The following SLC12A7 variants were observed in gnomAD, a reference collection of about 807,000 sequenced individuals.
The protein encoded by SLC12A7 is K-Cl cotransporter 4.
Under a neutral mutation model 120.6 loss-of-function variants are expected in SLC12A7, and 100 were observed. The observed-to-expected ratio is 0.83, with a 90% CI of 0.71 to 0.98. SLC12A7 has a LOEUF of 0.98. SLC12A7 is among the 50% of genes least tolerant of loss of function. The pLI, the probability that SLC12A7 is intolerant of heterozygous loss-of-function variation, is 0.00. For missense variants in SLC12A7, 1,373 were observed against 1,548.1 expected (o/e 0.89, Z 1.90); for synonymous variants, 760 against 678.0 (o/e 1.12, Z -1.88).
the SLC12A7 span, among the ~76,000 whole-genome samples, chr5:1,155,579 C>A: frequency 1.3e-5 from 2 of 151,442 alleles, no homozygotes; most frequent in Non-Finnish European, 3.0e-5. Flanking sequence ...AGGGACCGAC[C>A]CCCGGGCTGA....
the SLC12A7 span, among the ~76,000 whole-genome samples, chr5:1,129,307 C>T: frequency 1.5e-4 from 23 of 152,164 alleles, no homozygotes; most frequent in African/African-American, 5.5e-4. Flanking sequence ...CGGAGGTGGG[C>T]AGGACGTTCA....
rs1400881930 is a variant in SLC12A7 at position 1,078,819 on chromosome 5, GGGGTGGGGT to G, written c.1397-70_1397-62del. On this transcript the variant is annotated intron_variant, in intron 10 of 23. Coordinates refer to ENST00000264930, the MANE Select transcript of SLC12A7 (RefSeq NM_006598.3). ...TGCAGGGTCCTCAGGTACGGGGGGT[GGGGTGGGGT>G]GGGGTGGGGTGGGTGGGGAGATGCA... is the stretch of plus-strand genomic sequence containing the variant. 4.8e-6 allele frequency: 3 copies of G among 628,846 alleles called. No homozygotes were observed. In the African/African-American group the frequency reaches 5.9e-5, roughly 12 times the overall value. 39.0% of individuals were successfully genotyped at this position (628,846 alleles called of 1,614,324 possible).
chr5:1,153,207 G>A, the SLC12A7 span, among the ~76,000 whole-genome samples: 1 of 152,002 alleles, frequency 6.6e-6, no homozygotes, highest in Non-Finnish European at 1.5e-5. Flanking sequence ...GAGGAGGGAC[G>A]GGCTTGCCCA....
the SLC12A7 span, among the ~76,000 whole-genome samples, chr5:1,136,425 CGT>C: frequency 7.6e-6 from 1 of 131,340 alleles, no homozygotes; most frequent in East Asian, 2.3e-4. Flanking sequence ...CGCAGGCACA[CGT>C]GTGCTCAGAC....
chr5:1,105,322 G>C (rs1328090965), intron 1 of SLC12A7, among the ~76,000 whole-genome samples: 1 of 149,114 alleles, frequency 6.7e-6, no homozygotes, highest in Non-Finnish European at 1.5e-5. Flanking sequence ...CTCCCCGCAG[G>C]GATGAGGTCC....
At chr5:1,107,699 TAAG>T (rs1742636932) in intron 1 of SLC12A7, among the ~76,000 whole-genome samples, 1 of 152,106 alleles carries the variant, frequency 6.6e-6, no homozygotes, top group Non-Finnish European at 1.5e-5. Context: ...CCACGCACTC[TAAG>T]AAGGGGATCT....
the SLC12A7 span, among the ~76,000 whole-genome samples, chr5:1,139,142 A>G: frequency 3.7e-4 from 56 of 152,064 alleles, no homozygotes; most frequent in African/African-American, 1.3e-3. Flanking sequence ...CTCCCTCCTC[A>G]TCCCCATGGG....
chr5:1,136,810 CAGACACCAACACCA>C, the SLC12A7 span, among the ~76,000 whole-genome samples: 1 of 151,284 alleles, frequency 6.6e-6, no homozygotes, highest in African/African-American at 2.4e-5. Flanking sequence ...CACACGTGCT[CAGACACCAACACCA>C]GGACACGCAG....
chr5:1,119,909 C>A, the SLC12A7 span, among the ~76,000 whole-genome samples: 1 of 152,212 alleles, frequency 6.6e-6, no homozygotes, highest in Non-Finnish European at 1.5e-5. Context: ...TGCCTCCCCG[C>A]AAAAATCCAG....
At chr5:1,053,054 ATGC>A (rs1219996220) in intron 23 of SLC12A7, among the ~76,000 whole-genome samples, 1 of 152,136 alleles carries the variant, frequency 6.6e-6, no homozygotes, top group African/African-American at 2.4e-5. Context: ...TGCTGTGGGG[ATGC>A]ATGACAGGGA....
At chr5:1,111,703 G>T (rs1425876164) in intron 1 of SLC12A7, among the ~76,000 whole-genome samples, 165 bp downstream of exon 1, 3 of 152,154 alleles carry the variant, frequency 2.0e-5, no homozygotes, top group Non-Finnish European at 4.4e-5. Flanking sequence ...TGCCACTAAC[G>T]TGGGGTGGGG....
At chr5:1,056,262 C>G (rs1229757575) in intron 22 of SLC12A7, among the ~76,000 whole-genome samples, 2 of 152,184 alleles carry the variant, frequency 1.3e-5, no homozygotes, top group African/African-American at 4.8e-5. Flanking sequence ...CTGACGGGCC[C>G]TGCGAGGCGC....
chr5:1,107,201 G>A (rs1405164519), intron 1 of SLC12A7, among the ~76,000 whole-genome samples: 1 of 152,212 alleles, frequency 6.6e-6, no homozygotes, highest in African/African-American at 2.4e-5. Flanking sequence ...AGCCTTCTTT[G>A]AGAAGAAAAG....
rs547168368 is a variant in SLC12A7 at position 1,053,085 on chromosome 5, C to T, written c.3160+264G>A. ...GACAGGGAGCCTCCCAGCCCCAGGG[C>T]AGCCCTGAGCACCTGGGGACAGTGG... On this transcript the variant is annotated intron_variant, in intron 23 of 23. Transcript: ENST00000264930. Among the ~76,000 whole-genome samples, 8 of 152,338 alleles carry T rather than the reference C, an allele frequency of 5.3e-5. No homozygotes were observed. In the South Asian group the frequency reaches 1.7e-3, roughly 32 times the overall value.
intron 1 of SLC12A7, among the ~76,000 whole-genome samples, chr5:1,099,640 AT>A (rs1006087480): frequency 1.3e-5 from 2 of 152,134 alleles, no homozygotes; most frequent in African/African-American, 2.4e-5. Flanking sequence ...TTATCTCCAC[AT>A]TTAAGGGCTG....
intron 1 of SLC12A7, among the ~76,000 whole-genome samples, chr5:1,104,918 C>G (rs1038285114): frequency 6.6e-6 from 1 of 152,256 alleles, no homozygotes; most frequent in Non-Finnish European, 1.5e-5. Context: ...CGGCAGCACA[C>G]GCCCCTCCCC....
chr5:1,152,676 C>T, the SLC12A7 span, among the ~76,000 whole-genome samples: 8 of 152,218 alleles, frequency 5.3e-5, no homozygotes, highest in South Asian at 2.1e-4. Context: ...AGAACGGAGA[C>T]GCCCCCCGGA....
the SLC12A7 span, among the ~76,000 whole-genome samples, chr5:1,151,595 CA>C: frequency 1.3e-5 from 2 of 152,152 alleles, no homozygotes; most frequent in Non-Finnish European, 2.9e-5. This position sits in a 1 kb window ranked among gnomAD's most constrained non-coding sequence, Gnocchi z 6.2. Flanking sequence ...GTCCCAGTGC[CA>C]GGGGTGAAAA....
At position 1,083,748 on chromosome 5, in the gene SLC12A7, G is replaced by A. The variant is rs1419586147; in HGVS notation, c.1126C>T (p.Leu376=). 5.0e-6 allele frequency: 8 copies of A among 1,612,260 alleles called. No homozygotes were observed. In the South Asian group the frequency reaches 6.6e-5, roughly 13 times the overall value. The stretch of plus-strand genomic sequence containing the variant: ...GCTGCAGCCCTGTGAGCCTCACCCA[G>A]GAAGACACCACTGGCCGCGCCCGGG... ...GIPGAASGVF[L]ENLWSTYAHA... Residue 376 remains leucine, a synonymous_variant, in exon 8 of 24, where the codon CTG becomes TTG. Coordinates refer to ENST00000264930, the MANE Select transcript of SLC12A7 (RefSeq NM_006598.3).
Sources: gnomAD v4.1 joint callset for allele counts (sites outside exome capture counted in the v4.1 genomes callset) on GRCh38, gnomAD v4.1.1 for gene constraint, Gnocchi (gnomAD v3.1) non-coding constraint, MANE v1.5 for transcripts, NCBI Gene and HGNC (gene_info 2026-07-23, HGNC 2026-07-21) for gene names.